MN1: variants seen among roughly 807,000 people sequenced by gnomAD.
The protein encoded by MN1 is MN1 proto-oncogene, transcriptional regulator, also known as transcriptional activator MN1.
A neutral mutation model predicts 86.9 loss-of-function variants in MN1; 19 were observed. That is an observed-to-expected ratio of 0.22 (90% CI 0.15 to 0.32). The LOEUF is 0.32. MN1 is among the 10% of genes least tolerant of loss of function. The pLI is 1.00. For synonymous variants in MN1, 928 were observed against 849.6 expected, an observed-to-expected ratio of 1.09 and a Z score of -1.60; for missense variants, 1,841 against 1,862.0, an observed-to-expected ratio of 0.99 and a Z score of 0.21.
Position 27,797,801 on chromosome 22 carries a change from C to G in MN1, c.2743G>C (p.Gly915Arg), listed in dbSNP as rs2146316074. 5 of 1,595,780 alleles carry G rather than the reference C, an allele frequency of 3.1e-6. No homozygotes were observed. The highest frequency in any genetic ancestry group is 2.3e-5 in the South Asian group (2 of 88,732). The change falls in exon 1 of 2, where the codon GGC becomes CGC. Residue 915 changes from glycine (G) to arginine (R), a missense_variant. Gly to Arg is a moderately radical substitution (Grantham distance 125). Transcript: ENST00000302326. ...GTGTAGTTGGGGGAGAGGCTGGTGCCGTCCCCCTGGGCTGGAGGGTTGGGC... is the reference window on the plus strand; with the variant it reads ...GTGTAGTTGGGGGAGAGGCTGGTGCGGTCCCCCTGGGCTGGAGGGTTGGGC... ...GPPNPPAQGD[G>R]TSLSPNYTLE...
intron 1 of MN1, among the ~76,000 whole-genome samples, chr22:27,793,344 G>T (rs1933241125): frequency 6.9e-6 from 1 of 144,532 alleles, no homozygotes; most frequent in South Asian, 2.1e-4. Flanking sequence ...ACAAAGATAG[G>T]TGGATGAAGA....
chr22:27,775,174 G>A (rs45573939), intron 1 of MN1, among the ~76,000 whole-genome samples: 5 of 152,314 alleles, frequency 3.3e-5, no homozygotes, highest in South Asian at 4.1e-4. Flanking sequence ...GGTCCACAGC[G>A]GTAGCTGCTT....
chr22:27,769,471 C>A (rs191819039), intron 1 of MN1, among the ~76,000 whole-genome samples: 1 of 151,060 alleles, frequency 6.6e-6, no homozygotes, highest in East Asian at 2.0e-4. Flanking sequence ...TCGCAATCCT[C>A]AGAAATGAGG....
At chr22:27,796,645 G>T in intron 1 of MN1, 118 bp downstream of exon 1, 2 of 1,031,832 alleles carry the variant, frequency 1.9e-6, no homozygotes, top group Non-Finnish European at 2.8e-6. Flanking sequence ...CCTAGTTGGG[G>T]ATTAGGAGGG....
intron 1 of MN1, among the ~76,000 whole-genome samples, chr22:27,792,159 TTAAC>T (rs1224961167): frequency 2.0e-5 from 3 of 151,928 alleles, no homozygotes; most frequent in African/African-American, 7.3e-5. Flanking sequence ...AGAAATTAGA[TTAAC>T]TAACTCTCAC....
chr22:27,773,502 C>A (rs548557782), intron 1 of MN1, among the ~76,000 whole-genome samples: 1 of 147,928 alleles, frequency 6.8e-6, no homozygotes, highest in Non-Finnish European at 1.5e-5. Flanking sequence ...TGGGGCCTCA[C>A]GTGCTCGCCG....
rs995441097 is a variant in MN1, at chr22:27,788,697, G to A, written c.3781+8066C>T. On this transcript the variant is annotated intron_variant, in intron 1 of 1. Transcript: ENST00000302326. ...AAGTTATGTGTGTGTGTGTGCACGC[G>A]TGTGTGTGTGCACGCACGTGTGTAC... 8.1e-5 allele frequency among the ~76,000 whole-genome samples: 12 copies of A among 148,142 alleles called. 1 individual carries two copies. The highest frequency in any genetic ancestry group is 4.2e-4 in the South Asian group (2 of 4,798).
chr22:27,796,487 A>T (rs916241704), intron 1 of MN1, among the ~76,000 whole-genome samples: 1 of 149,780 alleles, frequency 6.7e-6, no homozygotes, highest in Non-Finnish European at 1.5e-5. Flanking sequence ...GGGGTACTCT[A>T]CAAGATTCCC....
At chr22:27,791,144 C>T (rs540868399) in intron 1 of MN1, among the ~76,000 whole-genome samples, 3 of 152,180 alleles carry the variant, frequency 2.0e-5, no homozygotes, top group Non-Finnish European at 4.4e-5. Context: ...CTTCTTCACA[C>T]ACTGAACTGC....
In MN1 at chr22:27,798,434, C is replaced by T. The variant is rs1304297860; in HGVS notation, c.2110G>A (p.Gly704Ser). 2 of 1,555,238 alleles carry T rather than the reference C, an allele frequency of 1.3e-6. No individual in the cohort carries two copies. The highest frequency in any genetic ancestry group is 1.7e-6 in the Non-Finnish European group (2 of 1,159,828). ...AGCTGACCCAGGCCTCCCAGACTGC[C>T]CCCGAACTGCAGGCCCGGTGAAGGC... ...ALPSPGLQFG[G>S]SLGGLGQLQS... Residue 704 changes from glycine to serine, a missense_variant, in exon 1 of 2, where the codon GGC becomes AGC. Gly to Ser is a moderately conservative substitution (Grantham distance 56). Transcript: ENST00000302326.
chr22:27,782,222 A>T (rs1403218449), intron 1 of MN1, among the ~76,000 whole-genome samples: 1 of 152,158 alleles, frequency 6.6e-6, no homozygotes, highest in East Asian at 1.9e-4. Context: ...CCGAACAAGG[A>T]GAAGGTCTGC....
At position 27,769,709 on chromosome 22, in the gene MN1, C is replaced by T. The variant is rs118011711; in HGVS notation, c.3782-18613G>A. Among the ~76,000 whole-genome samples, 562 of 151,588 alleles carry T rather than the reference C, an allele frequency of 3.7e-3. 23 individuals are homozygous for T. The East Asian group carries it at 0.091, about 24-fold the overall frequency. On this transcript the variant is annotated intron_variant, in intron 1 of 1. Coordinates refer to ENST00000302326, the MANE Select transcript of MN1 (RefSeq NM_002430.3). The stretch of plus-strand genomic sequence containing the variant: ...GCTGGGACTATAGGCACCCACCACG[C>T]CCTGTTAATTTTTTTTTGGTATTTT...
rs1555881002 is a variant in MN1, at chr22:27,750,781, G to GGA, written c.*133_*134insTC. The GGA allele has an allele frequency of 0.036, 17,166 of 478,322 alleles. 65 individuals are homozygous for GGA. Among genetic ancestry groups the GGA allele is most frequent in the African/African-American group, 0.12 (2,576 of 20,700 alleles). The allele number at this position is 478,322 out of a possible 1,614,324, so 29.6% of individuals were successfully genotyped here. On this transcript the variant is annotated 3_prime_UTR_variant, in exon 2 of 2. Coordinates refer to ENST00000302326, the MANE Select transcript of MN1 (RefSeq NM_002430.3). ...GCCACTAAGCAGGTACCAACCTAGA[G>GGA]AAAAAAAAAAAACTCATCCACTCAG...
chr22:27,777,558 A>AG (rs150951974), intron 1 of MN1, among the ~76,000 whole-genome samples: 16,796 of 147,978 alleles, frequency 0.11, 1,099 homozygotes, highest in East Asian at 0.23. Flanking sequence ...AGAGAGAGAG[A>AG]AAAAAAAAAT....
chr22:27,768,519 T>C (rs1432687344), intron 1 of MN1, among the ~76,000 whole-genome samples: 1 of 152,178 alleles, frequency 6.6e-6, no homozygotes, highest in Non-Finnish European at 1.5e-5. Context: ...CCAGACTTTA[T>C]GCACACTGGG....
At chr22:27,796,683 C>G in intron 1 of MN1, 80 bp downstream of exon 1, 1 of 1,433,374 alleles carries the variant, frequency 7.0e-7, no homozygotes, top group South Asian at 1.4e-5. Context: ...TCAAAGGACC[C>G]CAAAAGGCGA....
chr22:27,762,730 ACTC>A lies in MN1; in HGVS notation c.3782-11637_3782-11635del, dbSNP rs1455389197. Among the ~76,000 whole-genome samples the A allele has an allele frequency of 3.3e-5, 5 of 151,942 alleles. No homozygotes were observed. The South Asian group carries it at 1.0e-3, about 32-fold the overall frequency. On this transcript the variant is annotated intron_variant, in intron 1 of 1. Transcript: ENST00000302326. ...AACACCAGGGCTGACACCTCACTGA[ACTC>A]CTAGCACTCTGCCTGGCAAGTGGTA...
intron 1 of MN1, among the ~76,000 whole-genome samples, chr22:27,794,452 A>C (rs1933258651): frequency 6.6e-6 from 1 of 152,218 alleles, no homozygotes; most frequent in Non-Finnish European, 1.5e-5. Flanking sequence ...TGGTGCTTAT[A>C]AGACAGCCAG....
At chr22:27,783,123 C>T (rs1330083515) in intron 1 of MN1, among the ~76,000 whole-genome samples, 2 of 150,498 alleles carry the variant, frequency 1.3e-5, no homozygotes, top group Admixed American at 6.6e-5. Context: ...AGGGGATGTA[C>T]GTCGTGCTGC....
Sources: allele counts gnomAD v4.1 joint callset (sites outside exome capture counted in the v4.1 genomes callset), GRCh38; gene constraint gnomAD v4.1.1; transcripts MANE v1.5; gene names NCBI Gene and HGNC (gene_info 2026-07-23, HGNC 2026-07-21).